Variants in HDHD2 observed in about 807,000 individuals in gnomAD.
The protein encoded by HDHD2 is haloacid dehalogenase-like hydrolase domain-containing protein 2.
A neutral mutation model predicts 24.8 loss-of-function variants in HDHD2; 26 were observed. The observed-to-expected ratio is 1.05, with a 90% CI of 0.77 to 1.45. The LOEUF is 1.45. Among genes scored for constraint, HDHD2 ranks in the 40% most tolerant of loss-of-function variants. The pLI is 0.00. For synonymous variants in HDHD2, 128 were observed against 114.9 expected (o/e 1.11, Z -0.73); for missense variants, 299 against 313.4 (o/e 0.95, Z 0.35).
intron 5 of HDHD2, among the ~76,000 whole-genome samples, chr18:47,113,461 G>A (rs930308781): frequency 6.6e-6 from 1 of 152,206 alleles, no homozygotes; most frequent in African/African-American, 2.4e-5. Flanking sequence ...CACATAGTAT[G>A]TTATCCTTAC....
At position 47,115,336 on chromosome 18, in the gene HDHD2, A is replaced by G. The variant is rs2063549884; in HGVS notation, c.408T>C (p.Asp136=). The stretch of plus-strand genomic sequence containing the variant: ...TGTGGATTGCTATCAGAGGTGCTCC[A>G]TCCAGGAGTAACCTAGAGAGAACAA... ...ILNQAFRLLL[D]GAPLIAIHKA... The change falls in exon 5 of 7, where the codon GAT becomes GAC. Residue 136 remains aspartate, a synonymous_variant. Coordinates refer to ENST00000300605, the MANE Select transcript of HDHD2 (RefSeq NM_032124.5). The G allele has an allele frequency of 9.3e-6, 15 of 1,613,396 alleles. No homozygotes were observed. The highest frequency in any genetic ancestry group is 1.7e-5 in the Admixed American group (1 of 59,988).
chr18:47,149,610 G>C (rs1307052194), intron 1 of HDHD2, among the ~76,000 whole-genome samples: 1 of 152,090 alleles, frequency 6.6e-6, no homozygotes, highest in African/African-American at 2.4e-5. Flanking sequence ...CTCCCTCGTT[G>C]CGGGACTTTT....
chr18:47,123,079 A>T (rs1322660767), intron 4 of HDHD2, among the ~76,000 whole-genome samples: 1 of 152,168 alleles, frequency 6.6e-6, no homozygotes, highest in South Asian at 2.1e-4. Context: ...TAGCAAGAAA[A>T]ATAAAAAGAA....
intron 1 of HDHD2, among the ~76,000 whole-genome samples, chr18:47,136,862 C>T (rs1279165779): frequency 6.6e-6 from 1 of 152,148 alleles, no homozygotes; most frequent in Non-Finnish European, 1.5e-5. Context: ...ATGTATAATG[C>T]AAATATTCTC....
chr18:47,111,660 T>C, intron 6 of HDHD2: 1 of 985,430 alleles, frequency 1.0e-6, no homozygotes, highest in Non-Finnish European at 1.2e-6. Flanking sequence ...TGACTGGTGT[T>C]ACTATCTGCA....
intron 1 of HDHD2, among the ~76,000 whole-genome samples, chr18:47,142,996 C>A (rs2063833808): frequency 6.6e-6 from 1 of 152,078 alleles, no homozygotes; most frequent in Non-Finnish European, 1.5e-5. Flanking sequence ...AGACATACCA[C>A]ACAAATATTA....
chr18:47,137,122 G>A (rs2063774097), intron 1 of HDHD2: 1 of 730,604 alleles, frequency 1.4e-6, no homozygotes, highest in Non-Finnish European at 2.6e-6. Context: ...TTAAGATTAA[G>A]AGGCATACAC....
intron 2 of HDHD2, among the ~76,000 whole-genome samples, chr18:47,135,258 CTTTTTTTTTTT>C (rs904719955): frequency 7.8e-6 from 1 of 128,362 alleles, no homozygotes; most frequent in East Asian, 2.3e-4. Flanking sequence ...TAGATTTTTT[CTTTTTTTTTTT>C]TTTTTTTTTG....
At chr18:47,136,945 C>T (rs2063772632) in intron 1 of HDHD2, 1 of 483,056 alleles carries the variant, frequency 2.1e-6, no homozygotes. Context: ...CCACCTCCTC[C>T]TTTTTGCCAC....
rs560148800 is a variant in HDHD2, at chr18:47,115,407, G to A, written c.396-59C>T. 4.0e-6 allele frequency: 5 copies of A among 1,241,490 alleles called. No homozygotes were observed. The East Asian group carries it at 1.2e-4, about 29-fold the overall frequency. 76.9% of individuals were successfully genotyped at this position (1,241,490 alleles called of 1,614,324 possible). A position where few individuals can be genotyped will look rare whatever the true frequency, so the allele number is the denominator to read the frequency against. On this transcript the variant is annotated intron_variant, in intron 4 of 6. Coordinates refer to ENST00000300605, the MANE Select transcript of HDHD2 (RefSeq NM_032124.5). ...CTAAAAGCAAGGCTTTTATGACTGG[G>A]AACGAATGTCAGACTTACAAAGTGG...
At chr18:47,133,724 T>C (rs997144131) in intron 3 of HDHD2, among the ~76,000 whole-genome samples, 2 of 152,168 alleles carry the variant, frequency 1.3e-5, no homozygotes, top group Admixed American at 1.3e-4. Context: ...ATTTCTCTGA[T>C]GGCCAGTGAT....
rs2063490041 is a variant in HDHD2, at chr18:47,108,395, C to T, written c.*287G>A. 3.6e-6 allele frequency: 1 copy of T among 274,846 alleles called. No homozygotes were observed. The highest frequency in any genetic ancestry group is 2.2e-5 in the African/African-American group (1 of 45,630). 17.0% of individuals were successfully genotyped at this position (274,846 alleles called of 1,614,324 possible). Reference sequence around the variant, plus strand: ...AACACTCTTCCCTGTAGTAGCTTTTCCCCCACAGCCCCACCTAACCTGATG... The same window carrying T: ...AACACTCTTCCCTGTAGTAGCTTTTTCCCCACAGCCCCACCTAACCTGATG... On this transcript the variant is annotated 3_prime_UTR_variant, in exon 7 of 7. Transcript: ENST00000300605.
intron 1 of HDHD2, among the ~76,000 whole-genome samples, chr18:47,136,711 T>C (rs2063770102): frequency 6.6e-6 from 1 of 152,130 alleles, no homozygotes; most frequent in South Asian, 2.1e-4. Flanking sequence ...GAGGTATCAC[T>C]ATTTACTTTC....
chr18:47,125,292 T>C (rs185856583), intron 4 of HDHD2, among the ~76,000 whole-genome samples: 5 of 152,326 alleles, frequency 3.3e-5, no homozygotes, highest in East Asian at 1.9e-4. Flanking sequence ...CTAGCAAGAA[T>C]GTATGTCTTG....
chr18:47,142,663 T>C (rs1386450880), intron 1 of HDHD2, among the ~76,000 whole-genome samples: 1 of 152,116 alleles, frequency 6.6e-6, no homozygotes, highest in Non-Finnish European at 1.5e-5. Context: ...TGTGATTATA[T>C]AAGAATAAGA....
At chr18:47,114,473 C>T (rs2063541041) in intron 5 of HDHD2, among the ~76,000 whole-genome samples, 1 of 152,182 alleles carries the variant, frequency 6.6e-6, no homozygotes, top group Non-Finnish European at 1.5e-5. Context: ...GAAATATAAT[C>T]CTGGCCACCA....
rs150597161 is a variant in HDHD2 at position 47,113,722 on chromosome 18, G to T, written c.613-682C>A. On this transcript the variant is annotated intron_variant, in intron 5 of 6. Coordinates refer to ENST00000300605, the MANE Select transcript of HDHD2 (RefSeq NM_032124.5). ...TCTTGCCACCTCATGTCTATAAGCAGGATTGATTCAGACCATGCCTGAAGA... is the reference window on the plus strand; with the variant it reads ...TCTTGCCACCTCATGTCTATAAGCATGATTGATTCAGACCATGCCTGAAGA... Among the ~76,000 whole-genome samples, 438 of 151,428 alleles carry T rather than the reference G, an allele frequency of 2.9e-3. 3 individuals carry two copies. Among genetic ancestry groups the T allele is most frequent in the Non-Finnish European group, 3.9e-3 (263 of 67,874 alleles).
intron 1 of HDHD2, among the ~76,000 whole-genome samples, chr18:47,143,145 T>C (rs934939223): frequency 6.6e-6 from 1 of 152,234 alleles, no homozygotes; most frequent in African/African-American, 2.4e-5. Flanking sequence ...AAGAAGCTAT[T>C]TTTCTCTTTT....
intron 2 of HDHD2, 145 bp downstream of exon 2, chr18:47,136,194 A>T (rs2063764207): frequency 2.1e-6 from 2 of 944,856 alleles, no homozygotes; most frequent in Non-Finnish European, 3.0e-6. Context: ...TAATGCATAC[A>T]TCTTCTAGCT....
Sources: gnomAD v4.1 joint callset for allele counts (sites outside exome capture counted in the v4.1 genomes callset) on GRCh38, gnomAD v4.1.1 for gene constraint, MANE v1.5 for transcripts, NCBI Gene and HGNC (gene_info 2026-07-23, HGNC 2026-07-21) for gene names.